Variants in FNBP1 observed in about 807,000 individuals in gnomAD.
The protein encoded by FNBP1 is formin binding protein 1.
A neutral mutation model predicts 90.6 loss-of-function variants in FNBP1; 26 were observed. The observed-to-expected ratio is 0.29, with a 90% CI of 0.21 to 0.40. FNBP1 has a LOEUF of 0.40. FNBP1 is among the 10% of genes least tolerant of loss of function. FNBP1 has a pLI of 1.00. For missense variants in FNBP1, 635 were observed against 768.0 expected (o/e 0.83, Z 2.05); for synonymous variants, 260 against 265.2 (o/e 0.98, Z 0.19).
chr9:130,036,510 A>G (rs962535311), intron 1 of FNBP1, among the ~76,000 whole-genome samples: 9 of 152,218 alleles, frequency 5.9e-5, no homozygotes, highest in Non-Finnish European at 1.3e-4. Flanking sequence ...AACAAAACTG[A>G]TATCTAAATA....
intron 1 of FNBP1, among the ~76,000 whole-genome samples, chr9:130,003,037 T>A (rs2055092440): frequency 6.6e-6 from 1 of 152,172 alleles, no homozygotes; most frequent in Admixed American, 6.5e-5. Flanking sequence ...ACAATTATTT[T>A]CAGGTCTGGT....
upstream of FNBP1, among the ~76,000 whole-genome samples, chr9:130,047,504 T>C (rs1486694705): frequency 1.3e-5 from 2 of 152,118 alleles, no homozygotes; most frequent in African/African-American, 4.8e-5. Flanking sequence ...TCCCAGCTAC[T>C]CGGGAGGCTA....
chr9:129,923,479 C>T (rs750832806), intron 10 of FNBP1, among the ~76,000 whole-genome samples: 3 of 150,822 alleles, frequency 2.0e-5, no homozygotes, highest in Non-Finnish European at 3.0e-5. Flanking sequence ...ATCAGGAGGC[C>T]GAGGCAGGAG....
chr9:130,008,334 G>C (rs1441736616), intron 1 of FNBP1, among the ~76,000 whole-genome samples: 2 of 152,072 alleles, frequency 1.3e-5, no homozygotes, highest in South Asian at 4.1e-4. Flanking sequence ...GGGCAACAGA[G>C]TGAGACTCTG....
At chr9:129,904,411 T>G (rs999510331) in intron 12 of FNBP1, among the ~76,000 whole-genome samples, 1 of 152,170 alleles carries the variant, frequency 6.6e-6, no homozygotes, top group Non-Finnish European at 1.5e-5. Flanking sequence ...GCAGGGCACT[T>G]TTGGTAGGCT....
chr9:129,903,763 T>C (rs547495374), intron 12 of FNBP1, among the ~76,000 whole-genome samples: 2 of 152,278 alleles, frequency 1.3e-5, no homozygotes, highest in South Asian at 4.2e-4. Flanking sequence ...ACTCCTGGCC[T>C]CAAGCAATCC....
intron 4 of FNBP1, among the ~76,000 whole-genome samples, chr9:129,963,196 GA>G (rs2048082630): frequency 6.6e-6 from 1 of 152,284 alleles, no homozygotes; most frequent in East Asian, 1.9e-4. Context: ...TTAACAAAGT[GA>G]AAGCTCCCTC....
At chr9:129,968,711 A>T (rs550586641) in intron 4 of FNBP1, among the ~76,000 whole-genome samples, 84 of 152,348 alleles carry the variant, frequency 5.5e-4, no homozygotes, top group African/African-American at 2.0e-3. Context: ...TTAAATGGTC[A>T]ATTCTAAGTA....
intron 1 of FNBP1, among the ~76,000 whole-genome samples, chr9:130,006,017 C>T (rs907025651): frequency 1.3e-5 from 2 of 151,732 alleles, no homozygotes; most frequent in African/African-American, 4.8e-5. Flanking sequence ...AAAAGGGGCT[C>T]CAGCACCACA....
intron 6 of FNBP1, among the ~76,000 whole-genome samples, chr9:129,931,467 G>A (rs1010437351): frequency 1.3e-5 from 2 of 151,776 alleles, no homozygotes; most frequent in Admixed American, 6.6e-5. Flanking sequence ...TTAGCCGGGT[G>A]TGGTGGTGGG....
At chr9:129,960,810 G>C (rs543994291) in intron 4 of FNBP1, among the ~76,000 whole-genome samples, 1 of 151,984 alleles carries the variant, frequency 6.6e-6, no homozygotes, top group Non-Finnish European at 1.5e-5. Flanking sequence ...TGGTGAGAGG[G>C]GTCAGGTTTT....
At chr9:130,036,209 T>C (rs1311079500) in intron 1 of FNBP1, among the ~76,000 whole-genome samples, 1 of 152,184 alleles carries the variant, frequency 6.6e-6, no homozygotes, top group Non-Finnish European at 1.5e-5. Context: ...AATTTTTAAG[T>C]GTCAAAATAA....
At chr9:129,924,081 A>C (rs2041525904) in intron 9 of FNBP1, 55 bp from the exon 10 acceptor site, 1 of 1,468,228 alleles carries the variant, frequency 6.8e-7, no homozygotes, top group Admixed American at 3.1e-5. Flanking sequence ...AAGAAGACAC[A>C]AAACAAAAAT....
rs1268045000 is a variant in FNBP1, at chr9:129,974,958, C to T, written c.345+3507G>A. ...AACAGGTCAGGTGCAGTGGCTCACG[C>T]CTGTAATCCCAGCACTTTGGGAGGT... is the stretch of plus-strand genomic sequence containing the variant. On this transcript the variant is annotated intron_variant, in intron 4 of 16. Transcript: ENST00000446176. 5.9e-5 allele frequency among the ~76,000 whole-genome samples: 9 copies of T among 152,264 alleles called. No homozygotes were observed. The South Asian group carries it at 1.9e-3, about 32-fold the overall frequency.
chr9:129,889,081 C>CGGGGGGGGG lies in FNBP1; in HGVS notation c.*1449_*1457dup, dbSNP rs753987401. 1 of 39,854 alleles carries CGGGGGGGGG rather than the reference C, an allele frequency of 2.5e-5. No homozygotes were observed. Among genetic ancestry groups the CGGGGGGGGG allele is most frequent in the Non-Finnish European group, 8.1e-5 (1 of 12,284 alleles). The allele number at this position is 39,854 out of a possible 1,614,324, so 2.5% of individuals were successfully genotyped here. A position where few individuals can be genotyped will look rare whatever the true frequency, so the allele number is the denominator to read the frequency against. ...GGGGCTGCTCTGCTCTAAGGCGTGGCGGGGGGGGGGGGTGGTGGCCACAGA... is the reference window on the plus strand; with the variant it reads ...GGGGCTGCTCTGCTCTAAGGCGTGGCGGGGGGGGGGGGGGGGGGGGGTGGTGGCCACAGA... On this transcript the variant is annotated 3_prime_UTR_variant, in exon 17 of 17. Transcript: ENST00000446176.
At chr9:129,920,113 G>A (rs2040863721) in intron 10 of FNBP1, among the ~76,000 whole-genome samples, 2 of 152,130 alleles carry the variant, frequency 1.3e-5, no homozygotes, top group South Asian at 4.1e-4. Flanking sequence ...TGCTTCTAGT[G>A]GGTATATGTA....
At chr9:129,972,880 C>T (rs975756512) in intron 4 of FNBP1, among the ~76,000 whole-genome samples, 2 of 152,166 alleles carry the variant, frequency 1.3e-5, no homozygotes, top group Non-Finnish European at 2.9e-5. Flanking sequence ...CATTAAGTAA[C>T]AGAATGATTA....
chr9:130,020,570 C>A (rs1346536618), intron 1 of FNBP1, among the ~76,000 whole-genome samples: 1 of 152,052 alleles, frequency 6.6e-6, no homozygotes, highest in African/African-American at 2.4e-5. Flanking sequence ...AAAAGCAATA[C>A]CATAACTTTA....
chr9:130,020,614 G>T (rs943875230), intron 1 of FNBP1, among the ~76,000 whole-genome samples: 1 of 151,966 alleles, frequency 6.6e-6, no homozygotes, highest in Non-Finnish European at 1.5e-5. Context: ...AAACTACTTC[G>T]CATCAACATA....
Sources: allele counts gnomAD v4.1 joint callset (sites outside exome capture counted in the v4.1 genomes callset), GRCh38; gene constraint gnomAD v4.1.1; transcripts MANE v1.5; gene names NCBI Gene and HGNC (gene_info 2026-07-23, HGNC 2026-07-21).